The following TBCK variants were observed in gnomAD, a reference collection of about 807,000 sequenced individuals.
TBCK encodes the protein TBC1 domain containing kinase, also known as TBC domain-containing protein kinase-like protein.
A neutral mutation model predicts 113.4 loss-of-function variants in TBCK; 99 were observed. That is an observed-to-expected ratio of 0.87 (90% CI 0.74 to 1.03). TBCK has a LOEUF of 1.03. TBCK is among the 50% of genes least tolerant of loss of function. The pLI is 0.00. For synonymous variants in TBCK, 369 were observed against 370.8 expected, an observed-to-expected ratio of 1.00 and a Z score of 0.05; for missense variants, 1,045 against 1,061.3, an observed-to-expected ratio of 0.98 and a Z score of 0.21.
At chr4:106,064,969 G>A (rs1249094138) in intron 25 of TBCK, among the ~76,000 whole-genome samples, 1 of 151,886 alleles carries the variant, frequency 6.6e-6, no homozygotes, top group Non-Finnish European at 1.5e-5. Context: ...GGAAAGAGAT[G>A]GATTCACTAT....
intron 24 of TBCK, among the ~76,000 whole-genome samples, chr4:106,108,928 T>C (rs905688191): frequency 4.7e-5 from 7 of 149,882 alleles, no homozygotes; most frequent in African/African-American, 1.8e-4. Flanking sequence ...AAAAGCAATG[T>C]ACAAAAATCA....
intron 25 of TBCK, among the ~76,000 whole-genome samples, chr4:106,092,142 G>A (rs988422190): frequency 1.3e-5 from 2 of 150,420 alleles, no homozygotes; most frequent in Non-Finnish European, 3.0e-5. Context: ...GATTCTCCAA[G>A]TCCCCACCAG....
intron 25 of TBCK, among the ~76,000 whole-genome samples, chr4:106,057,208 T>C (rs1274182239): frequency 6.6e-6 from 1 of 151,614 alleles, no homozygotes; most frequent in Non-Finnish European, 1.5e-5. Context: ...ATTTAGATAG[T>C]GAGAGACTGA....
At chr4:106,077,246 T>C (rs1349669378) in intron 25 of TBCK, among the ~76,000 whole-genome samples, 1 of 152,168 alleles carries the variant, frequency 6.6e-6, no homozygotes, top group Admixed American at 6.5e-5. Context: ...ATTGACACTA[T>C]AATGCAACTA....
At chr4:106,232,279 T>C (rs929947996) in intron 17 of TBCK, among the ~76,000 whole-genome samples, 1 of 151,854 alleles carries the variant, frequency 6.6e-6, no homozygotes, top group Non-Finnish European at 1.5e-5. Flanking sequence ...AGAATGTACA[T>C]AAATCTACCT....
At chr4:106,216,548 C>T (rs1328152151) in intron 19 of TBCK, among the ~76,000 whole-genome samples, 2 of 151,822 alleles carry the variant, frequency 1.3e-5, no homozygotes, top group African/African-American at 2.4e-5. Flanking sequence ...ACCACCGATC[C>T]CACAGAAATA....
chr4:106,190,648 A>C (rs555960618), intron 22 of TBCK, among the ~76,000 whole-genome samples: 1 of 152,384 alleles, frequency 6.6e-6, no homozygotes, highest in African/African-American at 2.4e-5. Flanking sequence ...TATAAGTGTG[A>C]AAATAAAATC....
intron 15 of TBCK, 91 bp downstream of exon 15, chr4:106,235,178 A>C: frequency 1.3e-6 from 1 of 771,518 alleles, no homozygotes; most frequent in Non-Finnish European, 1.9e-6. Flanking sequence ...ATTTTCTAAT[A>C]ACTAGAAAAA....
At chr4:106,174,562 C>T (rs1024015686) in intron 22 of TBCK, among the ~76,000 whole-genome samples, 5 of 152,076 alleles carry the variant, frequency 3.3e-5, no homozygotes, top group East Asian at 1.9e-4. Flanking sequence ...GATATACTTA[C>T]GCATATACTT....
At chr4:106,062,977 T>C (rs534051941) in intron 25 of TBCK, among the ~76,000 whole-genome samples, 47 of 152,062 alleles carry the variant, frequency 3.1e-4, no homozygotes, top group Non-Finnish European at 5.7e-4. Context: ...ACAAAACTTA[T>C]GAAAAGCTAT....
At chr4:106,244,502 C>T in intron 11 of TBCK, 124 bp downstream of exon 11, 1 of 886,790 alleles carries the variant, frequency 1.1e-6, no homozygotes. Flanking sequence ...GGATGCCTAC[C>T]AAAAAAATTT....
At chr4:106,238,897 T>A (rs1046797561) in intron 12 of TBCK, among the ~76,000 whole-genome samples, 1 of 152,098 alleles carries the variant, frequency 6.6e-6, no homozygotes, top group Admixed American at 6.6e-5. Context: ...CACAGACTAA[T>A]ACGAGAGAGA....
rs187908936 is a variant in TBCK, at chr4:106,063,385, G to A, written c.2572-16705C>T. Reference sequence around the variant, plus strand: ...GAACAGGTAAAAAGACCCATGACACGTTTAGAAGTTCTAGAAGTATCATAT... The same window carrying A: ...GAACAGGTAAAAAGACCCATGACACATTTAGAAGTTCTAGAAGTATCATAT... On this transcript the variant is annotated intron_variant, in intron 25 of 25. Coordinates refer to ENST00000394708, the MANE Select transcript of TBCK (RefSeq NM_001163435.3). 2.5e-3 allele frequency among the ~76,000 whole-genome samples: 383 copies of A among 152,014 alleles called. 1 individual carries two copies. Among genetic ancestry groups the A allele is most frequent in the Admixed American group, 5.2e-3 (79 of 15,240 alleles).
intron 24 of TBCK, among the ~76,000 whole-genome samples, chr4:106,112,958 AC>A (rs1387085741): frequency 1.3e-5 from 2 of 152,172 alleles, no homozygotes; most frequent in East Asian, 3.9e-4. Context: ...ACAGGTGTTA[AC>A]CCTAGAGGAC....
intron 3 of TBCK, among the ~76,000 whole-genome samples, chr4:106,287,825 C>T (rs1335344098): frequency 6.6e-6 from 1 of 152,166 alleles, no homozygotes. Context: ...CAGCTGTTAT[C>T]TTGACTGAAA....
At chr4:106,217,543 C>G (rs1325181460) in intron 19 of TBCK, among the ~76,000 whole-genome samples, 3 of 152,006 alleles carry the variant, frequency 2.0e-5, no homozygotes, top group African/African-American at 4.8e-5. Flanking sequence ...AATCAATGTG[C>G]AAAAATCACA....
chr4:106,269,413 C>G (rs1273228577), intron 3 of TBCK, among the ~76,000 whole-genome samples: 2 of 129,598 alleles, frequency 1.5e-5, no homozygotes, highest in Non-Finnish European at 3.4e-5. Context: ...TGACACTTAT[C>G]ACTTACTAAA....
intron 2 of TBCK, among the ~76,000 whole-genome samples, chr4:106,297,101 A>G (rs1402364395): frequency 6.6e-6 from 1 of 152,122 alleles, no homozygotes; most frequent in Non-Finnish European, 1.5e-5. Flanking sequence ...TCTTCTACCC[A>G]AATTGAAATG....
At chr4:106,055,992 C>CT (rs530952834) in intron 25 of TBCK, among the ~76,000 whole-genome samples, 1 of 150,372 alleles carries the variant, frequency 6.7e-6, no homozygotes, top group African/African-American at 2.4e-5. Context: ...AGCCCTACAC[C>CT]TTTTTTTCAT....
Sources: allele counts gnomAD v4.1 joint callset (sites outside exome capture counted in the v4.1 genomes callset), GRCh38; gene constraint gnomAD v4.1.1; transcripts MANE v1.5; gene names NCBI Gene and HGNC (gene_info 2026-07-23, HGNC 2026-07-21).